PSEN1: variants seen among roughly 807,000 people sequenced by gnomAD.
PSEN1 encodes the protein presenilin-1.
In PSEN1, 15 loss-of-function variants were observed where a neutral mutation model predicts 53.5. The observed-to-expected ratio is 0.28, with a 90% CI of 0.19 to 0.43. The LOEUF (loss-of-function observed/expected upper bound fraction) is 0.43, where lower values mean the gene tolerates loss of function less well. PSEN1 is among the 20% of genes least tolerant of loss of function. The probability of loss-of-function intolerance (pLI) is 1.00; values close to 1 mark genes in which losing one functional copy is unlikely to be tolerated. For synonymous variants in PSEN1, 208 were observed against 209.8 expected (o/e 0.99, Z 0.08); for missense variants, 387 against 571.2 (o/e 0.68, Z 3.29).
At chr14:73,183,395 TAAAC>T (rs1898288112) in intron 5 of PSEN1, among the ~76,000 whole-genome samples, 1 of 152,110 alleles carries the variant, frequency 6.6e-6, no homozygotes, top group African/African-American at 2.4e-5. Flanking sequence ...GGTCAGTAGA[TAAAC>T]AAGTGAACAA....
chr14:73,163,868 G>T (rs1435261575), intron 3 of PSEN1, among the ~76,000 whole-genome samples: 2 of 152,042 alleles, frequency 1.3e-5, no homozygotes, highest in African/African-American at 2.4e-5. Context: ...TTTGTTATGA[G>T]CATGACAAGA....
intron 10 of PSEN1, among the ~76,000 whole-genome samples, 188 bp from the exon 11 acceptor site, chr14:73,216,938 A>C (rs866732494): frequency 6.6e-6 from 1 of 152,190 alleles, no homozygotes; most frequent in African/African-American, 2.4e-5. Flanking sequence ...AGTCAGTCAC[A>C]TAGAATCTGG....
intron 3 of PSEN1, among the ~76,000 whole-genome samples, chr14:73,167,525 C>T (rs1897752302): frequency 1.3e-5 from 2 of 152,156 alleles, no homozygotes; most frequent in Non-Finnish European, 2.9e-5. Flanking sequence ...ACCCAGTCAC[C>T]TCCTAAAGGC....
intron 1 of PSEN1, among the ~76,000 whole-genome samples, chr14:73,140,616 A>G (rs1320391927): frequency 3.9e-5 from 6 of 151,918 alleles, no homozygotes; most frequent in Non-Finnish European, 8.8e-5. Context: ...ATAGCTTAAT[A>G]ATTTGTTTGC....
intron 10 of PSEN1, among the ~76,000 whole-genome samples, chr14:73,216,115 T>C (rs903359805): frequency 1.2e-4 from 19 of 152,212 alleles, no homozygotes; most frequent in African/African-American, 4.3e-4. Context: ...TTCCAATAAC[T>C]TCCAAGAAAC....
At chr14:73,202,982 A>G (rs963585808) in intron 8 of PSEN1, among the ~76,000 whole-genome samples, 2 of 152,128 alleles carry the variant, frequency 1.3e-5, no homozygotes, top group African/African-American at 2.4e-5. Flanking sequence ...CCTCCTGTGT[A>G]GATCAGGTAG....
At chr14:73,165,485 C>T (rs1897683456) in intron 3 of PSEN1, among the ~76,000 whole-genome samples, 1 of 151,986 alleles carries the variant, frequency 6.6e-6, no homozygotes, top group South Asian at 2.1e-4. Context: ...GTGGCTCACG[C>T]CTTCAATCCC....
At chr14:73,162,920 T>C (rs57050244) in intron 3 of PSEN1, among the ~76,000 whole-genome samples, 8,060 of 152,288 alleles carry the variant, frequency 0.053, 583 homozygotes, top group African/African-American at 0.17. Flanking sequence ...CTATACCTTT[T>C]AATACTTTCT....
At position 73,147,104 on chromosome 14, in the gene PSEN1, G is replaced by A. The variant is rs147691281; in HGVS notation, c.-135-691G>A. ...GGGTTCAAGCTTTTCTCCTGCCTCA[G>A]CCTCCTGAGTAGCTGGGATTACAGA... On this transcript the variant is annotated intron_variant, in intron 1 of 11. Transcript: ENST00000324501. 5.5e-3 allele frequency among the ~76,000 whole-genome samples: 829 copies of A among 150,176 alleles called. 14 individuals carry two copies. The highest frequency in any genetic ancestry group is 0.049 in the East Asian group (251 of 5,090).
intron 11 of PSEN1, among the ~76,000 whole-genome samples, chr14:73,218,631 A>T (rs1900020768): frequency 6.6e-6 from 1 of 152,020 alleles, no homozygotes; most frequent in South Asian, 2.1e-4. Context: ...CCTGTGCGGG[A>T]AGAATGCTCC....
chr14:73,198,276 T>C, intron 8 of PSEN1, 147 bp downstream of exon 8: 1 of 638,968 alleles, frequency 1.6e-6, no homozygotes, highest in Non-Finnish European at 2.8e-6. Context: ...CTTTGTTTCC[T>C]TGCAAGCAAT....
At chr14:73,185,210 C>G (rs979001203) in intron 5 of PSEN1, among the ~76,000 whole-genome samples, 6 of 152,006 alleles carry the variant, frequency 3.9e-5, no homozygotes, top group African/African-American at 1.5e-4. Context: ...GGGTGGCGGC[C>G]GGGCAGAGGC....
intron 4 of PSEN1, 131 bp downstream of exon 4, chr14:73,171,178 C>T: frequency 9.0e-7 from 1 of 1,109,746 alleles, no homozygotes; most frequent in Non-Finnish European, 1.3e-6. Flanking sequence ...CTGTGATGGT[C>T]AGGAGCAGTT....
chr14:73,185,421 C>A (rs1272837794), intron 5 of PSEN1, among the ~76,000 whole-genome samples: 1 of 152,226 alleles, frequency 6.6e-6, no homozygotes, highest in Non-Finnish European at 1.5e-5. Context: ...CTGGCCAACA[C>A]AGCGAAACCC....
intron 3 of PSEN1, among the ~76,000 whole-genome samples, chr14:73,148,422 A>G (rs1045830998): frequency 2.0e-5 from 3 of 152,156 alleles, no homozygotes; most frequent in Admixed American, 6.6e-5. Flanking sequence ...GGCTGAGTCC[A>G]TTTTATTTAC....
intron 3 of PSEN1, among the ~76,000 whole-genome samples, chr14:73,164,868 A>C (rs1265313565): frequency 6.6e-6 from 1 of 152,190 alleles, no homozygotes; most frequent in African/African-American, 2.4e-5. Flanking sequence ...ATTTTCATAT[A>C]TATATATGTT....
At chr14:73,148,687 C>G (rs535571420) in intron 3 of PSEN1, among the ~76,000 whole-genome samples, 2 of 152,268 alleles carry the variant, frequency 1.3e-5, no homozygotes, top group African/African-American at 4.8e-5. Flanking sequence ...AATCCCAGCA[C>G]TTTGGGAGGC....
intron 10 of PSEN1, among the ~76,000 whole-genome samples, chr14:73,216,920 G>A (rs1400002487): frequency 2.0e-5 from 3 of 152,112 alleles, no homozygotes; most frequent in Non-Finnish European, 4.4e-5. Flanking sequence ...CTACAGTTAA[G>A]ACTCCAGAGT....
chr14:73,198,144 A>G lies in PSEN1; in HGVS notation c.868+15A>G. ...CATTTACTCCTGTAAGTATTTGAGA[A>G]GGATATTGAATTAGTAATCAGTGTA... is the stretch of plus-strand genomic sequence containing the variant. On this transcript the variant is annotated intron_variant, in intron 8 of 11. Transcript: ENST00000324501. 6.9e-7 allele frequency: 1 copy of G among 1,450,708 alleles called. No homozygotes were observed. Among genetic ancestry groups the G allele is most frequent in the African/African-American group, 1.4e-5 (1 of 71,960 alleles). 89.9% of individuals were successfully genotyped at this position (1,450,708 alleles called of 1,614,324 possible). A position where few individuals can be genotyped will look rare whatever the true frequency, so the allele number is the denominator to read the frequency against.
Sources: allele counts gnomAD v4.1 joint callset (sites outside exome capture counted in the v4.1 genomes callset), GRCh38; gene constraint gnomAD v4.1.1; transcripts MANE v1.5; gene names NCBI Gene and HGNC (gene_info 2026-07-23, HGNC 2026-07-21).